The following ELP4 variants were observed in gnomAD, a reference collection of about 807,000 sequenced individuals.
ELP4 encodes the protein elongator acetyltransferase complex subunit 4.
In ELP4, 51 loss-of-function variants were observed where a neutral mutation model predicts 48.9. That is an observed-to-expected ratio of 1.04 (90% CI 0.83 to 1.32). ELP4 has a LOEUF of 1.32. Ranked by LOEUF, ELP4 falls within the 40% of genes most tolerant of loss-of-function variation. The probability of loss-of-function intolerance (pLI) is 0.00; values close to 1 mark genes in which losing one functional copy is unlikely to be tolerated. For missense variants in ELP4, 519 were observed against 514.6 expected (o/e 1.01, Z -0.08); for synonymous variants, 210 against 189.2 (o/e 1.11, Z -0.90).
chr11:31,550,255 T>G (rs1956822384), intron 3 of ELP4, among the ~76,000 whole-genome samples: 1 of 152,126 alleles, frequency 6.6e-6, no homozygotes, highest in African/African-American at 2.4e-5. Flanking sequence ...ACTTTTTTTC[T>G]CATTTTGTAA....
intron 3 of ELP4, among the ~76,000 whole-genome samples, chr11:31,592,473 T>G (rs1212460068): frequency 6.7e-6 from 1 of 150,114 alleles, no homozygotes; most frequent in Non-Finnish European, 1.5e-5. Context: ...GCCCAGGAGG[T>G]GTGTGTGTGT....
intron 7 of ELP4, among the ~76,000 whole-genome samples, chr11:31,638,876 G>A (rs533968546): frequency 6.6e-6 from 1 of 151,992 alleles, no homozygotes; most frequent in East Asian, 1.9e-4. Context: ...CTCTCAGTGT[G>A]AAATCTTTTA....
At chr11:31,533,905 G>C (rs1956451400) in intron 2 of ELP4, among the ~76,000 whole-genome samples, 1 of 151,884 alleles carries the variant, frequency 6.6e-6, no homozygotes, top group South Asian at 2.1e-4. Flanking sequence ...GAGCGATCTC[G>C]GCTCACTGCA....
Position 31,788,491 on chromosome 11 carries a change from G to GCAA in ELP4, c.*4970_*4972dup. On this transcript the variant is annotated 3_prime_UTR_variant, in exon 10 of 10. Coordinates refer to ENST00000640961, the MANE Select transcript of ELP4 (RefSeq NM_019040.5). ...AAGGGAGAGGGCCTATTTGAAAAAG[G>GCAA]CAACAGCTTTCAGAAAGTCTCCTTT... 1 of 223,810 alleles carries GCAA rather than the reference G, an allele frequency of 4.5e-6. No individual in the cohort carries two copies. The highest frequency in any genetic ancestry group is 8.9e-6 in the Non-Finnish European group (1 of 112,068). The allele number at this position is 223,810 out of a possible 1,614,324, so 13.9% of individuals were successfully genotyped here.
At chr11:31,652,595 A>G (rs1239487635) in intron 9 of ELP4, 3 of 151,680 alleles carry the variant, frequency 2.0e-5, no homozygotes. Context: ...TTCTTTTTAA[A>G]TGTCCTCATA....
At chr11:31,586,140 C>G (rs1957469065) in intron 3 of ELP4, among the ~76,000 whole-genome samples, 1 of 152,166 alleles carries the variant, frequency 6.6e-6, no homozygotes, top group South Asian at 2.1e-4. Context: ...TTCAACATCA[C>G]AGAATGTTCT....
chr11:31,628,618 G>C (rs1347256175), intron 6 of ELP4, among the ~76,000 whole-genome samples: 1 of 151,942 alleles, frequency 6.6e-6, no homozygotes, highest in East Asian at 1.9e-4. Context: ...ACTGGAGCTG[G>C]TTTGGCTTTC....
intron 6 of ELP4, among the ~76,000 whole-genome samples, chr11:31,627,823 A>G (rs1054812916): frequency 7.2e-5 from 11 of 152,114 alleles, no homozygotes; most frequent in Admixed American, 6.6e-5. Context: ...TGCTTTTGCT[A>G]CTAAATGATT....
intron 6 of ELP4, among the ~76,000 whole-genome samples, chr11:31,630,085 T>TAA (rs57068433): frequency 0.027 from 4,034 of 152,068 alleles, 169 homozygotes; most frequent in African/African-American, 0.092. Context: ...TTGAGGATGA[T>TAA]AACATAGGGT....
intron 9 of ELP4, among the ~76,000 whole-genome samples, chr11:31,668,674 C>CTG (rs1565103524): frequency 2.7e-5 from 1 of 37,334 alleles, no homozygotes; most frequent in African/African-American, 7.4e-5. Flanking sequence ...TCCTTTGGTA[C>CTG]CGTGTGTGTG....
intron 9 of ELP4, among the ~76,000 whole-genome samples, chr11:31,722,707 TTC>T (rs769685133): frequency 1.9e-4 from 15 of 78,312 alleles, no homozygotes; most frequent in African/African-American, 3.4e-4. Context: ...GTCTCTCTCT[TTC>T]TCTCTCTCTC....
intron 1 of ELP4, among the ~76,000 whole-genome samples, chr11:31,512,922 G>GT (rs1956037100): frequency 6.6e-6 from 1 of 151,834 alleles, no homozygotes; most frequent in African/African-American, 2.4e-5. Context: ...TAAAGGAAGG[G>GT]TAACTGCAGA....
intron 3 of ELP4, among the ~76,000 whole-genome samples, chr11:31,576,847 C>T (rs746287631): frequency 1.2e-4 from 18 of 151,998 alleles, no homozygotes; most frequent in Non-Finnish European, 2.5e-4. Flanking sequence ...AAGGAAAGAC[C>T]AAAAACTGAC....
intron 3 of ELP4, among the ~76,000 whole-genome samples, chr11:31,549,670 A>G (rs1481382986): frequency 1.3e-5 from 2 of 152,178 alleles, no homozygotes; most frequent in African/African-American, 4.8e-5. Flanking sequence ...TCATGCTGCT[A>G]TAAAGACACA....
At chr11:31,722,827 C>A (rs1592253986) in intron 9 of ELP4, among the ~76,000 whole-genome samples, 1 of 152,106 alleles carries the variant, frequency 6.6e-6, no homozygotes, top group South Asian at 2.1e-4. Context: ...TTCACAGGAC[C>A]CTGTGGGTCT....
chr11:31,678,308 G>A (rs1387136119), intron 9 of ELP4, among the ~76,000 whole-genome samples: 1 of 152,036 alleles, frequency 6.6e-6, no homozygotes, highest in Non-Finnish European at 1.5e-5. Context: ...AATTAGCCAG[G>A]TATGGTGGTG....
chr11:31,590,900 C>A (rs1222104009), intron 3 of ELP4, among the ~76,000 whole-genome samples: 1 of 152,156 alleles, frequency 6.6e-6, no homozygotes, highest in Non-Finnish European at 1.5e-5. Context: ...CCACCTCCAA[C>A]AATGGGGATT....
chr11:31,688,627 A>G (rs965282520), intron 9 of ELP4, among the ~76,000 whole-genome samples: 6 of 152,234 alleles, frequency 3.9e-5, no homozygotes, highest in African/African-American at 1.2e-4. Context: ...TTCAAAATCT[A>G]TACAGCACAT....
intron 9 of ELP4, chr11:31,652,226 TTTG>T (rs1302708254): frequency 2.0e-5 from 3 of 151,862 alleles, no homozygotes; most frequent in African/African-American, 7.2e-5. Flanking sequence ...TTTGAGTTTT[TTTG>T]TTATTTTAAT....
Sources: gnomAD v4.1 joint callset for allele counts (sites outside exome capture counted in the v4.1 genomes callset) on GRCh38, gnomAD v4.1.1 for gene constraint, MANE v1.5 for transcripts, NCBI Gene and HGNC (gene_info 2026-07-23, HGNC 2026-07-21) for gene names.